The following BST1 variants were observed in gnomAD, a reference collection of about 807,000 sequenced individuals.
BST1 encodes the protein bone marrow stromal cell antigen 1.
A neutral mutation model predicts 40.6 loss-of-function variants in BST1; 49 were observed. The ratio of observed to expected loss-of-function variants is 1.21; its 90% CI spans 0.96 to 1.53. BST1 has a LOEUF of 1.53. Ranked by LOEUF, BST1 falls within the 40% of genes most tolerant of loss-of-function variation. BST1 has a pLI of 0.00. For synonymous variants in BST1, 157 were observed against 159.3 expected, an observed-to-expected ratio of 0.99 and a Z score of 0.11; for missense variants, 423 against 395.9, an observed-to-expected ratio of 1.07 and a Z score of -0.58.
the BST1 span, among the ~76,000 whole-genome samples, chr4:15,760,052 A>G: frequency 3.3e-5 from 5 of 151,960 alleles, no homozygotes; most frequent in Non-Finnish European, 7.3e-5. Flanking sequence ...TCTCAACCCC[A>G]AGGAAACCCC....
At position 15,705,657 on chromosome 4, in the gene BST1, T is replaced by C. The variant is rs1490398189; in HGVS notation, c.315+16T>C. On this transcript the variant is annotated intron_variant, in intron 2 of 8. Transcript: ENST00000265016. ...CAGAGATAAGGTAACACCACAACCA[T>C]CTTGGGTAAAACTGTGTTCTCTGTC... 6.2e-7 allele frequency: 1 copy of C among 1,613,458 alleles called. No individual in the cohort carries two copies. Among genetic ancestry groups the C allele is most frequent in the Non-Finnish European group, 8.5e-7 (1 of 1,179,558 alleles).
intron 3 of BST1, among the ~76,000 whole-genome samples, chr4:15,708,904 T>C (rs192930639): frequency 9.9e-5 from 15 of 152,198 alleles, no homozygotes; most frequent in African/African-American, 3.6e-4. Context: ...GTTAACCTAA[T>C]ATCAGTTCTG....
chr4:15,760,283 A>G, the BST1 span, among the ~76,000 whole-genome samples: 10 of 151,666 alleles, frequency 6.6e-5, no homozygotes, highest in Non-Finnish European at 1.0e-4. Context: ...TGGCTCAATA[A>G]TATTCCGCTG....
At chr4:15,726,865 C>T (rs902792152) in intron 8 of BST1, among the ~76,000 whole-genome samples, 2 of 145,592 alleles carry the variant, frequency 1.4e-5, no homozygotes, top group Non-Finnish European at 3.0e-5. Flanking sequence ...CACTTTTCCT[C>T]GGTATTTTTT....
At chr4:15,772,364 G>A in the BST1 span, among the ~76,000 whole-genome samples, 2 of 152,196 alleles carry the variant, frequency 1.3e-5, no homozygotes, top group East Asian at 1.9e-4. Context: ...AAGAAAGGAG[G>A]GAACACAGCA....
chr4:15,755,863 G>C, the BST1 span, among the ~76,000 whole-genome samples: 1 of 152,132 alleles, frequency 6.6e-6, no homozygotes, highest in Non-Finnish European at 1.5e-5. Flanking sequence ...AAATCAATGA[G>C]TTTCTTATTC....
chr4:15,720,385 G>A (rs1248831296), intron 7 of BST1, among the ~76,000 whole-genome samples: 4 of 152,018 alleles, frequency 2.6e-5, no homozygotes, highest in East Asian at 1.9e-4. Context: ...TTGGAAGGCC[G>A]AGGCGGGCGG....
At chr4:15,730,630 G>A (rs544672571) in intron 8 of BST1, among the ~76,000 whole-genome samples, 1 of 152,220 alleles carries the variant, frequency 6.6e-6, no homozygotes, top group Non-Finnish European at 1.5e-5. Flanking sequence ...AGGATAATTT[G>A]CAGGGCAGCA....
At chr4:15,731,026 T>C in intron 8 of BST1, 1 of 589,032 alleles carries the variant, frequency 1.7e-6, no homozygotes, top group Non-Finnish European at 2.9e-6. Flanking sequence ...ATTCTGCCAG[T>C]TTTTCTGCCA....
At chr4:15,771,349 GGTAGTTCCTT>G in the BST1 span, among the ~76,000 whole-genome samples, 1 of 152,120 alleles carries the variant, frequency 6.6e-6, no homozygotes, top group South Asian at 2.1e-4. Flanking sequence ...GGAGGATCTG[GGTAGTTCCTT>G]GTGCATTATC....
chr4:15,705,618 A>G lies in BST1; in HGVS notation c.292A>G (p.Arg98Gly), dbSNP rs1719840690. The stretch of plus-strand genomic sequence containing the variant: ...CTATGACCTTTTTATTAACTTGTCC[A>G]GGCACTCTATTCCCAGAGATAAGGT... ...SDYDLFINLS[R>G]HSIPRDKSLF... The change falls in exon 2 of 9, where the codon AGG becomes GGG. Residue 98 changes from arginine (R) to glycine (G), a missense_variant. Coordinates refer to ENST00000265016, the MANE Select transcript of BST1 (RefSeq NM_004334.3). 1 of 1,614,082 alleles carries G rather than the reference A, an allele frequency of 6.2e-7. No individual in the cohort carries two copies.
At chr4:15,707,453 C>T in intron 2 of BST1, 58 bp from the exon 3 acceptor site, 1 of 1,610,670 alleles carries the variant, frequency 6.2e-7, no homozygotes. Flanking sequence ...GATATTGTGC[C>T]TGAGGAGTCG....
At chr4:15,743,635 G>GTA in the BST1 span, 8 of 297,258 alleles carry the variant, frequency 2.7e-5, no homozygotes, top group African/African-American at 1.6e-4. Flanking sequence ...TTCTGGCAAG[G>GTA]GCAGAGTGGT....
chr4:15,769,666 C>A, the BST1 span, among the ~76,000 whole-genome samples: 35 of 151,940 alleles, frequency 2.3e-4, no homozygotes, highest in African/African-American at 4.1e-4. Context: ...ATTTCTCTCT[C>A]TCTATATATA....
chr4:15,772,670 T>C, the BST1 span, among the ~76,000 whole-genome samples: 2 of 152,066 alleles, frequency 1.3e-5, no homozygotes, highest in East Asian at 1.9e-4. Flanking sequence ...GCGAGAAGAG[T>C]GTACAACAAT....
chr4:15,732,445 G>A lies in BST1; in HGVS notation c.*600G>A, dbSNP rs148860748. On this transcript the variant is annotated 3_prime_UTR_variant, in exon 9 of 9. Coordinates refer to ENST00000265016, the MANE Select transcript of BST1 (RefSeq NM_004334.3). Reference sequence around the variant, plus strand: ...CGATTCTCCTGCCTCAGCCTCCCAAGTAGCTGGGATTGCAGGTGCCTGCCA... The same window carrying A: ...CGATTCTCCTGCCTCAGCCTCCCAAATAGCTGGGATTGCAGGTGCCTGCCA... The A allele has an allele frequency of 0.015, 2,285 of 152,376 alleles. 21 individuals are homozygous for A. The highest frequency in any genetic ancestry group is 0.023 in the Non-Finnish European group (1,573 of 68,104). 9.4% of individuals were successfully genotyped at this position (152,376 alleles called of 1,614,324 possible). A position where few individuals can be genotyped will look rare whatever the true frequency, so the allele number is the denominator to read the frequency against.
At chr4:15,724,271 TGTA>T (rs1720980425) in intron 8 of BST1, among the ~76,000 whole-genome samples, 1 of 152,238 alleles carries the variant, frequency 6.6e-6, no homozygotes, top group African/African-American at 2.4e-5. Context: ...CATCTATGCC[TGTA>T]GGATCCGTTC....
chr4:15,717,790 G>A (rs1720591467), intron 6 of BST1, among the ~76,000 whole-genome samples: 1 of 152,182 alleles, frequency 6.6e-6, no homozygotes, highest in East Asian at 1.9e-4. Flanking sequence ...GATGCAACTG[G>A]CAGGTCAGCA....
chr4:15,719,119 G>C, intron 7 of BST1, 126 bp downstream of exon 7: 5 of 760,568 alleles, frequency 6.6e-6, no homozygotes, highest in Non-Finnish European at 1.0e-5. Flanking sequence ...GTGGCTTCTC[G>C]GTGTGGAGGC....
Sources: gnomAD v4.1 joint callset for allele counts (sites outside exome capture counted in the v4.1 genomes callset) on GRCh38, gnomAD v4.1.1 for gene constraint, MANE v1.5 for transcripts, NCBI Gene and HGNC (gene_info 2026-07-23, HGNC 2026-07-21) for gene names.